Variants in LPAR6 observed in about 807,000 individuals in gnomAD.
LPAR6 encodes the protein lysophosphatidic acid receptor 6.
LPAR6 carries 17 observed loss-of-function variants against 22.0 expected under a neutral mutation model. That is an observed-to-expected ratio of 0.77 (90% confidence interval 0.53 to 1.16). The LOEUF (loss-of-function observed/expected upper bound fraction) is 1.16, where lower values mean the gene tolerates loss of function less well. LPAR6 is among the 50% of genes most tolerant of loss of function. The pLI, the probability that LPAR6 is intolerant of heterozygous loss-of-function variation, is 0.00. For missense variants in LPAR6, 384 were observed against 406.9 expected (o/e 0.94, Z 0.48); for synonymous variants, 136 against 139.8 (o/e 0.97, Z 0.19).
intron 1 of LPAR6, among the ~76,000 whole-genome samples, chr13:48,437,067 T>G (rs961636807): frequency 1.3e-5 from 2 of 152,218 alleles, no homozygotes; most frequent in African/African-American, 4.8e-5. Context: ...TGTATGTTAG[T>G]TATGAAAAGT....
Position 48,411,212 on chromosome 13 carries a change from A to G in LPAR6, c.*177T>C, listed in dbSNP as rs1195445538. ...AAAAATCAGATGGAGTGGATACACAAATAAAATACATGTTAATGCTTAACA... is the reference window on the plus strand; with the variant it reads ...AAAAATCAGATGGAGTGGATACACAGATAAAATACATGTTAATGCTTAACA... On this transcript the variant is annotated 3_prime_UTR_variant, in exon 1 of 1. Coordinates refer to ENST00000620633, the MANE Select transcript of LPAR6 (RefSeq NM_001162498.3). The G allele has an allele frequency of 7.0e-6, 4 of 568,926 alleles. No individual in the cohort carries two copies. The highest frequency in any genetic ancestry group is 9.4e-6 in the Non-Finnish European group (3 of 320,650). The allele number at this position is 568,926 out of a possible 1,614,324, so 35.2% of individuals were successfully genotyped here. A position where few individuals can be genotyped will look rare whatever the true frequency, so the allele number is the denominator to read the frequency against.
chr13:48,411,972 G>A lies in LPAR6; in HGVS notation c.452C>T (p.Ala151Val), dbSNP rs1948816034. Residue 151 changes from alanine (A) to valine (V), a missense_variant, in exon 1 of 1, where the codon GCC becomes GTC. Coordinates refer to ENST00000620633, the MANE Select transcript of LPAR6 (RefSeq NM_001162498.3). ...WLTVIGGSAPAVFVQSTHSQG... is the reference protein window; with the variant it reads ...WLTVIGGSAPVVFVQSTHSQG... ...AGAGTGGGTAGACTGAACAAAAACG[G>A]CGGGTGCACTTCCTCCGATCACAGT... 2 of 1,599,162 alleles carry A rather than the reference G, an allele frequency of 1.3e-6. No homozygotes were observed. The highest frequency in any genetic ancestry group is 2.3e-5 in the East Asian group (1 of 44,168).
At chr13:48,403,977 G>T (rs999363430) in intron 1 of LPAR6, among the ~76,000 whole-genome samples, 1 of 152,072 alleles carries the variant, frequency 6.6e-6, no homozygotes, top group African/African-American at 2.4e-5. Flanking sequence ...TTCCAGTCTG[G>T]GTGACAGAAT....
At chr13:48,404,566 G>A (rs1018142974) in intron 1 of LPAR6, among the ~76,000 whole-genome samples, 3 of 151,936 alleles carry the variant, frequency 2.0e-5, no homozygotes, top group Admixed American at 6.6e-5. Flanking sequence ...TCGCTCTGTC[G>A]CCCAGGCTGG....
intron 1 of LPAR6, among the ~76,000 whole-genome samples, chr13:48,434,505 A>G (rs964195144): frequency 3.9e-5 from 6 of 152,126 alleles, no homozygotes; most frequent in African/African-American, 1.4e-4. Flanking sequence ...CAGGCAAGCA[A>G]GTGAAACCAG....
chr13:48,393,498 GA>G (rs1948626136), intron 1 of LPAR6, among the ~76,000 whole-genome samples: 1 of 152,166 alleles, frequency 6.6e-6, no homozygotes, highest in African/African-American at 2.4e-5. Flanking sequence ...TGTGTAAAAA[GA>G]ATTCTTTTAT....
intron 1 of LPAR6, among the ~76,000 whole-genome samples, chr13:48,438,131 G>A (rs2138298010): frequency 6.6e-6 from 1 of 152,242 alleles, no homozygotes; most frequent in South Asian, 2.1e-4. Context: ...CCTTCAGCGA[G>A]TTTATATTTT....
At chr13:48,442,904 A>G (rs1455902455) in intron 1 of LPAR6, among the ~76,000 whole-genome samples, 1 of 152,204 alleles carries the variant, frequency 6.6e-6, no homozygotes, top group Non-Finnish European at 1.5e-5. Context: ...ACCCAACACC[A>G]CAAAGTAACT....
At chr13:48,414,574 A>G (rs1948876150), upstream of LPAR6, among the ~76,000 whole-genome samples, 1 of 152,156 alleles carries the variant, frequency 6.6e-6, no homozygotes, top group Admixed American at 6.5e-5. Context: ...GTTTAAGCTG[A>G]AACTCTTCCT....
At chr13:48,425,138 T>C (rs1426617091) in intron 1 of LPAR6, among the ~76,000 whole-genome samples, 1 of 152,174 alleles carries the variant, frequency 6.6e-6, no homozygotes, top group Non-Finnish European at 1.5e-5. Flanking sequence ...CACATAGACA[T>C]GAGAATCTAC....
At chr13:48,426,414 A>C (rs1490726897) in intron 1 of LPAR6, among the ~76,000 whole-genome samples, 1 of 152,232 alleles carries the variant, frequency 6.6e-6, no homozygotes, top group Admixed American at 6.5e-5. Context: ...GCTAATGTAC[A>C]GCCAATTTAA....
At chr13:48,418,347 C>T (rs533405022) in intron 2 of LPAR6, among the ~76,000 whole-genome samples, 1 of 152,164 alleles carries the variant, frequency 6.6e-6, no homozygotes. Context: ...ATTTTGTCAC[C>T]ACCAGGCCTG....
intron 1 of LPAR6, among the ~76,000 whole-genome samples, chr13:48,436,889 C>T (rs1009162885): frequency 6.6e-6 from 1 of 152,034 alleles, no homozygotes; most frequent in Non-Finnish European, 1.5e-5. Flanking sequence ...CTTAAAATAC[C>T]CAGAAAACAA....
At chr13:48,393,764 AT>A (rs980766354) in intron 1 of LPAR6, among the ~76,000 whole-genome samples, 1 of 152,068 alleles carries the variant, frequency 6.6e-6, no homozygotes, top group Non-Finnish European at 1.5e-5. Context: ...GTTATTAACT[AT>A]TTTTTTGTAT....
chr13:48,406,599 G>C (rs138980055), downstream of LPAR6: 1 of 152,044 alleles, frequency 6.6e-6, no homozygotes, highest in Non-Finnish European at 1.5e-5. Context: ...AGCACTTAAC[G>C]TGGTCTTAAC....
chr13:48,409,251 G>T (rs1463682303), downstream of LPAR6, among the ~76,000 whole-genome samples: 1 of 150,832 alleles, frequency 6.6e-6, no homozygotes, highest in African/African-American at 2.4e-5. Context: ...TGGGCTGAAG[G>T]CATTAAAGAT....
chr13:48,418,065 A>G (rs947590752), upstream of LPAR6, among the ~76,000 whole-genome samples: 3 of 152,202 alleles, frequency 2.0e-5, no homozygotes, highest in East Asian at 5.8e-4. Flanking sequence ...GAGCAACCCC[A>G]AGACACATAA....
At position 48,411,749 on chromosome 13, in the gene LPAR6, A is replaced by T; in HGVS notation, c.675T>A (p.Thr225=). The change falls in exon 1 of 1, where the codon ACT becomes ACA. Residue 225 remains threonine (T), a synonymous_variant. Transcript: ENST00000620633. ...GTACAAAAATCATTTTTAAAACCTT[A>T]GTTTTGTTTATTTTGCTTCTACTTA... is the stretch of plus-strand genomic sequence containing the variant. ...VTLSRSKINK[T]KVLKMIFVHL... is the part of the protein sequence containing the mutation. 1 of 1,610,186 alleles carries T rather than the reference A, an allele frequency of 6.2e-7. No individual in the cohort carries two copies. The highest frequency in any genetic ancestry group is 8.5e-7 in the Non-Finnish European group (1 of 1,176,602).
intron 1 of LPAR6, among the ~76,000 whole-genome samples, chr13:48,395,886 A>G (rs1323250821): frequency 1.3e-5 from 2 of 152,194 alleles, no homozygotes; most frequent in African/African-American, 4.8e-5. Flanking sequence ...AGGGAACACC[A>G]CAAAGATACT....
Sources: allele counts gnomAD v4.1 joint callset (sites outside exome capture counted in the v4.1 genomes callset), GRCh38; gene constraint gnomAD v4.1.1; transcripts MANE v1.5; gene names NCBI Gene and HGNC (gene_info 2026-07-23, HGNC 2026-07-21).